The following PDE7B variants were observed in gnomAD, a reference collection of about 807,000 sequenced individuals.
The protein encoded by PDE7B is phosphodiesterase 7B.
In PDE7B, 29 loss-of-function variants were observed where a neutral mutation model predicts 56.2. That is an observed-to-expected ratio of 0.52 (90% CI 0.38 to 0.70). PDE7B has a LOEUF of 0.70. Ranked by LOEUF, PDE7B falls within the 30% of genes least tolerant of loss-of-function variation. The pLI is 0.00. For synonymous variants in PDE7B, 197 were observed against 196.9 expected, an observed-to-expected ratio of 1.00 and a Z score of 0.00; for missense variants, 490 against 565.0, an observed-to-expected ratio of 0.87 and a Z score of 1.35.
intron 8 of PDE7B, among the ~76,000 whole-genome samples, chr6:136,162,946 G>A (rs934818630): frequency 5.3e-5 from 8 of 152,202 alleles, no homozygotes; most frequent in African/African-American, 1.9e-4. Context: ...CATTCCTGTG[G>A]CCTTGCAGGG....
intron 5 of PDE7B, 60 bp from the exon 6 acceptor site, chr6:136,151,100 C>A: frequency 1.2e-6 from 1 of 859,792 alleles, no homozygotes; most frequent in East Asian, 2.4e-5. Flanking sequence ...GTCTTATTGT[C>A]AATCTTGATA....
chr6:135,981,005 T>C (rs1215287681), intron 2 of PDE7B, among the ~76,000 whole-genome samples: 1 of 149,104 alleles, frequency 6.7e-6, no homozygotes, highest in Admixed American at 6.7e-5. Context: ...TGCGGCATTA[T>C]TCACAATAGC....
chr6:135,951,895 A>G (rs1774708660), intron 2 of PDE7B, among the ~76,000 whole-genome samples: 1 of 152,148 alleles, frequency 6.6e-6, no homozygotes, highest in African/African-American at 2.4e-5. Context: ...AAATTATTAT[A>G]AATGATTTAA....
chr6:136,104,813 GATT>G (rs1239674417), intron 2 of PDE7B, among the ~76,000 whole-genome samples: 6 of 152,300 alleles, frequency 3.9e-5, no homozygotes, highest in African/African-American at 1.4e-4. Context: ...TTTTGAAAAT[GATT>G]ATTTACTACA....
At chr6:136,159,137 A>AG (rs1778662209) in intron 8 of PDE7B, among the ~76,000 whole-genome samples, 1 of 152,160 alleles carries the variant, frequency 6.6e-6, no homozygotes, top group Admixed American at 6.6e-5. Flanking sequence ...AAGCACTTAG[A>AG]GGGGGGTCAG....
chr6:135,914,034 TG>T (rs1776254957), intron 1 of PDE7B, among the ~76,000 whole-genome samples: 2 of 152,202 alleles, frequency 1.3e-5, no homozygotes, highest in South Asian at 4.1e-4. Context: ...CTGGCCTCAC[TG>T]GCACAGGGTT....
At chr6:136,066,890 C>T (rs1189488074) in intron 2 of PDE7B, among the ~76,000 whole-genome samples, 2 of 147,920 alleles carry the variant, frequency 1.4e-5, no homozygotes, top group Admixed American at 6.8e-5. Flanking sequence ...CTCACTGTGT[C>T]ACCCAGGCTG....
intron 2 of PDE7B, among the ~76,000 whole-genome samples, chr6:136,063,477 T>A (rs181136270): frequency 6.6e-6 from 1 of 152,352 alleles, no homozygotes; most frequent in Admixed American, 6.5e-5. Context: ...CAGGACCTCC[T>A]CATTTTGCAC....
chr6:136,169,090 C>G (rs185477946), intron 8 of PDE7B, among the ~76,000 whole-genome samples: 1 of 152,094 alleles, frequency 6.6e-6, no homozygotes, highest in East Asian at 1.9e-4. Context: ...TGTGGCCTCC[C>G]TAAGAAACCT....
At chr6:135,906,813 T>TG (rs1776115763) in intron 1 of PDE7B, among the ~76,000 whole-genome samples, 6 of 109,294 alleles carry the variant, frequency 5.5e-5, no homozygotes, top group South Asian at 6.0e-4. Flanking sequence ...GAGGTTTGTT[T>TG]TTTTTTTTTT....
At chr6:135,869,806 G>C (rs989973633) in intron 1 of PDE7B, among the ~76,000 whole-genome samples, 4 of 152,202 alleles carry the variant, frequency 2.6e-5, no homozygotes, top group African/African-American at 7.2e-5. Flanking sequence ...CGGCAGAGGA[G>C]AGAGCAAGAG....
chr6:136,133,859 A>C (rs949863745), intron 3 of PDE7B, among the ~76,000 whole-genome samples: 1 of 152,122 alleles, frequency 6.6e-6, no homozygotes, highest in Non-Finnish European at 1.5e-5. Context: ...GAGAATATTC[A>C]ATTGAGAAGG....
chr6:136,021,766 ATTC>A (rs1776076629), intron 2 of PDE7B, among the ~76,000 whole-genome samples: 1 of 151,878 alleles, frequency 6.6e-6, no homozygotes. Flanking sequence ...TTCTGCTTCT[ATTC>A]TTGTTCCTAT....
chr6:136,012,159 C>T (rs1775906391), intron 2 of PDE7B, among the ~76,000 whole-genome samples: 1 of 152,132 alleles, frequency 6.6e-6, no homozygotes, highest in African/African-American at 2.4e-5. Context: ...ACTCCCTTCC[C>T]AGCCCCTGCC....
At chr6:135,852,825 T>G (rs1007549799) in intron 1 of PDE7B, among the ~76,000 whole-genome samples, 1 of 152,232 alleles carries the variant, frequency 6.6e-6, no homozygotes, top group Non-Finnish European at 1.5e-5. Context: ...GACTAATTAA[T>G]CATTTAAAAA....
chr6:136,155,804 T>G (rs1335395924), intron 8 of PDE7B, 46 bp downstream of exon 8: 1 of 1,595,806 alleles, frequency 6.3e-7, no homozygotes, highest in Non-Finnish European at 8.6e-7. Flanking sequence ...GTCAATCGCC[T>G]TAGGCCCGGT....
intron 11 of PDE7B, among the ~76,000 whole-genome samples, chr6:136,185,230 G>A (rs2128452058): frequency 6.6e-6 from 1 of 152,220 alleles, no homozygotes; most frequent in East Asian, 1.9e-4. Context: ...GAGACCCCAG[G>A]AGGCAGACTA....
intron 2 of PDE7B, among the ~76,000 whole-genome samples, chr6:135,976,231 T>G (rs1246832304): frequency 6.6e-6 from 1 of 152,186 alleles, no homozygotes; most frequent in African/African-American, 2.4e-5. Flanking sequence ...CCTTCTGAAC[T>G]TTTACACTCT....
chr6:135,943,457 A>G (rs1305509448), intron 1 of PDE7B, among the ~76,000 whole-genome samples: 7 of 152,220 alleles, frequency 4.6e-5, no homozygotes, highest in African/African-American at 1.7e-4. Context: ...AAGATAGTCT[A>G]TTTGGCCAAG....
Sources: allele counts gnomAD v4.1 joint callset (sites outside exome capture counted in the v4.1 genomes callset), GRCh38; gene constraint gnomAD v4.1.1; transcripts MANE v1.5; gene names NCBI Gene and HGNC (gene_info 2026-07-23, HGNC 2026-07-21).